The following GRM7 variants were observed in gnomAD, a reference collection of about 807,000 sequenced individuals.
GRM7 encodes the protein metabotropic glutamate receptor 7.
GRM7 carries 35 observed loss-of-function variants against 84.5 expected under a neutral mutation model. The ratio of observed to expected loss-of-function variants is 0.41; its 90% CI spans 0.32 to 0.55. GRM7 has a LOEUF of 0.55. Among genes scored for constraint, GRM7 ranks in the 20% least tolerant of loss-of-function variants. The pLI is 0.19. For synonymous variants in GRM7, 487 were observed against 455.1 expected, an observed-to-expected ratio of 1.07 and a Z score of -0.89; for missense variants, 1,003 against 1,194.6, an observed-to-expected ratio of 0.84 and a Z score of 2.36.
chr3:7,655,164 T>C (rs1369070128), intron 8 of GRM7, among the ~76,000 whole-genome samples: 3 of 152,198 alleles, frequency 2.0e-5, no homozygotes, highest in Non-Finnish European at 4.4e-5. Context: ...GGTAAATTGA[T>C]GTCAAAATTC....
chr3:7,272,658 T>G (rs1266154898), intron 2 of GRM7, among the ~76,000 whole-genome samples: 1 of 152,158 alleles, frequency 6.6e-6, no homozygotes, highest in African/African-American at 2.4e-5. Flanking sequence ...AGAATTTCTC[T>G]ATTATTATTT....
intron 1 of GRM7, among the ~76,000 whole-genome samples, chr3:6,951,190 C>G (rs972808564): frequency 6.6e-6 from 1 of 152,216 alleles, no homozygotes; most frequent in Non-Finnish European, 1.5e-5. Flanking sequence ...GCTCCACCCC[C>G]AGTCTGACTA....
At chr3:7,657,800 C>T (rs915690126) in intron 8 of GRM7, among the ~76,000 whole-genome samples, 9 of 152,098 alleles carry the variant, frequency 5.9e-5, no homozygotes, top group Non-Finnish European at 1.2e-4. Context: ...CTGGGAAAGT[C>T]AAGAAAATGT....
At chr3:6,930,630 G>A (rs937782669) in intron 1 of GRM7, among the ~76,000 whole-genome samples, 1 of 151,136 alleles carries the variant, frequency 6.6e-6, no homozygotes, top group Non-Finnish European at 1.5e-5. Flanking sequence ...AATGCAGGTG[G>A]GGAAAAAAAC....
intron 8 of GRM7, among the ~76,000 whole-genome samples, chr3:7,602,967 G>A (rs1331163585): frequency 1.3e-4 from 20 of 152,114 alleles, no homozygotes; most frequent in Admixed American, 1.3e-3. Flanking sequence ...GGTTGGCAAA[G>A]CATCTACTGA....
At chr3:7,413,646 CAT>C (rs1406354679) in intron 4 of GRM7, among the ~76,000 whole-genome samples, 1 of 152,124 alleles carries the variant, frequency 6.6e-6, no homozygotes. Context: ...TACCTGAACA[CAT>C]GATTGTTTTG....
At chr3:7,246,652 A>ATGGGCCT in intron 2 of GRM7, among the ~76,000 whole-genome samples, 1 of 152,244 alleles carries the variant, frequency 6.6e-6, no homozygotes, top group South Asian at 2.1e-4. Flanking sequence ...TAACGTCCAT[A>ATGGGCCT]TGGGCCTTGT....
intron 2 of GRM7, among the ~76,000 whole-genome samples, chr3:7,275,006 T>A (rs1415499668): frequency 2.0e-5 from 3 of 152,162 alleles, no homozygotes; most frequent in African/African-American, 7.2e-5. Context: ...TCTGTTTGCT[T>A]TTCCATTTTG....
intron 2 of GRM7, among the ~76,000 whole-genome samples, chr3:7,261,894 C>CTCCT (rs1698436489): frequency 7.2e-5 from 3 of 41,688 alleles, no homozygotes; most frequent in Non-Finnish European, 1.5e-4. Context: ...AATTCCCTCC[C>CTCCT]TCCCTCCCTC....
chr3:7,058,557 A>G (rs1697313429), intron 1 of GRM7, among the ~76,000 whole-genome samples: 1 of 151,982 alleles, frequency 6.6e-6, no homozygotes, highest in Admixed American at 6.6e-5. Flanking sequence ...TGTTTATTTT[A>G]TATATCATTG....
At chr3:7,528,667 C>T (rs1306131583) in intron 7 of GRM7, among the ~76,000 whole-genome samples, 1 of 151,970 alleles carries the variant, frequency 6.6e-6, no homozygotes, top group Non-Finnish European at 1.5e-5. Context: ...ATAAACTTTC[C>T]TCTTAACACT....
intron 2 of GRM7, among the ~76,000 whole-genome samples, chr3:7,294,711 G>A (rs1699756039): frequency 6.6e-6 from 1 of 152,124 alleles, no homozygotes; most frequent in African/African-American, 2.4e-5. Context: ...AGCAGCGTGG[G>A]CCCTAAGCTA....
chr3:7,419,926 TTG>T (rs1696327686), intron 5 of GRM7, among the ~76,000 whole-genome samples: 1 of 152,208 alleles, frequency 6.6e-6, no homozygotes, highest in Non-Finnish European at 1.5e-5. Context: ...CAGTTTTGAT[TTG>T]TGTCCCTAAT....
intron 4 of GRM7, among the ~76,000 whole-genome samples, chr3:7,401,692 G>A (rs560054291): frequency 6.6e-6 from 1 of 152,264 alleles, no homozygotes; most frequent in South Asian, 2.1e-4. Context: ...CTTATTCAGA[G>A]TCAGGAATGT....
At chr3:7,109,501 CAT>C (rs1484135482) in intron 1 of GRM7, among the ~76,000 whole-genome samples, 1 of 152,090 alleles carries the variant, frequency 6.6e-6, no homozygotes, top group Admixed American at 6.6e-5. Flanking sequence ...TGTGCTAAGA[CAT>C]GTGATACCTG....
chr3:7,075,172 C>T (rs1223612327), intron 1 of GRM7, among the ~76,000 whole-genome samples: 4 of 152,180 alleles, frequency 2.6e-5, no homozygotes, highest in African/African-American at 9.7e-5. Flanking sequence ...GATGAATCTT[C>T]TACAGTAGTT....
intron 1 of GRM7, among the ~76,000 whole-genome samples, chr3:6,964,966 C>T (rs944423475): frequency 6.6e-6 from 1 of 152,102 alleles, no homozygotes; most frequent in African/African-American, 2.4e-5. Context: ...TCTATTTTAT[C>T]TGGCCTTCAT....
At chr3:7,097,407 T>A (rs1909397) in intron 1 of GRM7, among the ~76,000 whole-genome samples, 85,558 of 151,910 alleles carry the variant, frequency 0.56, 26,697 homozygotes, top group African/African-American at 0.85. Flanking sequence ...AAAGTAGGTG[T>A]ATTGATTATA....
In GRM7 at chr3:7,654,759, T is replaced by C. The variant is rs191916136; in HGVS notation, c.2452-25290T>C. Among the ~76,000 whole-genome samples, 434 of 152,374 alleles carry C rather than the reference T, an allele frequency of 2.8e-3. 7 individuals are homozygous for C. The highest frequency in any genetic ancestry group is 0.017 in the Middle Eastern group (5 of 294). On this transcript the variant is annotated intron_variant, in intron 8 of 9. Transcript: ENST00000357716. ...GTACATTATACAAAGCACAGTGTCT[T>C]ATACATAGTAAATGTTAAGCATAGT...
Sources: allele counts gnomAD v4.1 joint callset (sites outside exome capture counted in the v4.1 genomes callset), GRCh38; gene constraint gnomAD v4.1.1; transcripts MANE v1.5; gene names NCBI Gene and HGNC (gene_info 2026-07-23, HGNC 2026-07-21).